The following CCDC172 variants were observed in gnomAD, a reference collection of about 807,000 sequenced individuals.
The protein encoded by CCDC172 is coiled-coil domain containing 172, also known as coiled-coil domain-containing protein 172.
CCDC172 carries 30 observed loss-of-function variants against 38.0 expected under a neutral mutation model. The observed-to-expected ratio is 0.79, with a 90% confidence interval of 0.59 to 1.07. The LOEUF is 1.07. CCDC172 is among the 50% of genes least tolerant of loss of function. The pLI is 0.00. For missense variants in CCDC172, 297 were observed against 290.1 expected, an observed-to-expected ratio of 1.02 and a Z score of -0.17; for synonymous variants, 78 against 88.3, an observed-to-expected ratio of 0.88 and a Z score of 0.66.
At chr10:116,359,875 T>C (rs10885917) in intron 7 of CCDC172, among the ~76,000 whole-genome samples, 10,186 of 152,238 alleles carry the variant, frequency 0.067, 534 homozygotes, top group East Asian at 0.24. Flanking sequence ...AAGCTTAATA[T>C]GCCATGTTCA....
At chr10:116,325,124 T>C (rs1368210739) in intron 2 of CCDC172, 34 bp downstream of exon 2, 22 of 1,603,316 alleles carry the variant, frequency 1.4e-5, no homozygotes, top group Non-Finnish European at 1.9e-5. Flanking sequence ...ATGGGGCCTT[T>C]TGTCTTCTGA....
chr10:116,373,143 C>T (rs1211287891), intron 7 of CCDC172, among the ~76,000 whole-genome samples: 2 of 152,038 alleles, frequency 1.3e-5, no homozygotes, highest in Non-Finnish European at 2.9e-5. Flanking sequence ...CCTATAATCC[C>T]AGTACTTTGA....
At chr10:116,328,165 G>T (rs559957338) in intron 3 of CCDC172, among the ~76,000 whole-genome samples, 2 of 152,044 alleles carry the variant, frequency 1.3e-5, no homozygotes, top group South Asian at 4.1e-4. Flanking sequence ...CATGTAATTA[G>T]AACTTGAATG....
chr10:116,334,012 G>A (rs1844699206), intron 3 of CCDC172, among the ~76,000 whole-genome samples: 1 of 152,130 alleles, frequency 6.6e-6, no homozygotes, highest in Admixed American at 6.6e-5. Flanking sequence ...AAGTTAAAAG[G>A]CTGTATACCT....
At chr10:116,346,368 A>T (rs10787651) in intron 5 of CCDC172, among the ~76,000 whole-genome samples, 50,551 of 151,620 alleles carry the variant, frequency 0.33, 9,810 homozygotes, top group Non-Finnish European at 0.45. Context: ...CTTGGCAATA[A>T]AAATGACTAA....
chr10:116,374,892 TAA>T (rs11354143), intron 7 of CCDC172, among the ~76,000 whole-genome samples: 30 of 144,094 alleles, frequency 2.1e-4, no homozygotes, highest in East Asian at 4.0e-4. Context: ...GTAGATACGT[TAA>T]AAAAAAAAAA....
intron 3 of CCDC172, among the ~76,000 whole-genome samples, chr10:116,334,731 C>T (rs946231032): frequency 1.1e-4 from 17 of 151,878 alleles, no homozygotes; most frequent in African/African-American, 4.1e-4. Flanking sequence ...TAGGGTAAAG[C>T]CTTATAAATC....
chr10:116,342,328 T>TGTTATTTCA, intron 5 of CCDC172, 127 bp downstream of exon 5: 1 of 685,672 alleles, frequency 1.5e-6, no homozygotes. Flanking sequence ...TCTTTTACTT[T>TGTTATTTCA]TATTGATTTA....
In CCDC172 at chr10:116,361,175, C is replaced by T. The variant is rs1333246390; in HGVS notation, c.653+3237C>T. ...AATTTTTGTATTTTTAGTAGAGACA[C>T]GGTTTCACCACGTTGGCCAGACTGA... On this transcript the variant is annotated intron_variant, in intron 7 of 8. Coordinates refer to ENST00000333254, the MANE Select transcript of CCDC172 (RefSeq NM_198515.3). Among the ~76,000 whole-genome samples the T allele has an allele frequency of 4.6e-5, 7 of 151,694 alleles. 1 individual carries two copies. In the South Asian group the frequency reaches 6.3e-4, roughly 14 times the overall value.
At chr10:116,348,970 C>T (rs563863892) in intron 5 of CCDC172, among the ~76,000 whole-genome samples, 5 of 152,226 alleles carry the variant, frequency 3.3e-5, no homozygotes, top group Admixed American at 2.6e-4. Context: ...GTGAGCAAAG[C>T]TTCATCTGTA....
At chr10:116,345,787 A>T (rs2532682) in intron 5 of CCDC172, among the ~76,000 whole-genome samples, 234 of 152,308 alleles carry the variant, frequency 1.5e-3, no homozygotes, top group African/African-American at 5.5e-3. Context: ...AGTTAAAAAG[A>T]CTGACCATAC....
At chr10:116,364,844 T>C (rs1845104450) in intron 7 of CCDC172, among the ~76,000 whole-genome samples, 1 of 152,222 alleles carries the variant, frequency 6.6e-6, no homozygotes. Context: ...TAGTAGTGTG[T>C]ACAATTCTGT....
At chr10:116,354,190 T>A (rs1844965733) in intron 5 of CCDC172, among the ~76,000 whole-genome samples, 1 of 152,194 alleles carries the variant, frequency 6.6e-6, no homozygotes, top group African/African-American at 2.4e-5. Context: ...TAAACAAACC[T>A]ATTGTGCTGC....
Position 116,357,289 on chromosome 10 carries a change from T to C in CCDC172, c.449-91T>C, listed in dbSNP as rs559368865. The C allele has an allele frequency of 4.1e-6, 3 of 728,032 alleles. No homozygotes were observed. In the East Asian group the frequency reaches 9.3e-5, roughly 23 times the overall value. 45.1% of individuals were successfully genotyped at this position (728,032 alleles called of 1,614,324 possible). Reference sequence around the variant, plus strand: ...TTGTCTTCACTTTCTTTCATCTGTGTTTTATAGTTTTTAGTGTACAGGTCT... The same window carrying C: ...TTGTCTTCACTTTCTTTCATCTGTGCTTTATAGTTTTTAGTGTACAGGTCT... On this transcript the variant is annotated intron_variant, in intron 5 of 8. Coordinates refer to ENST00000333254, the MANE Select transcript of CCDC172 (RefSeq NM_198515.3).
rs1170382200 is a variant in CCDC172 at position 116,368,698 on chromosome 10, T to G, written c.654-9725T>G. On this transcript the variant is annotated intron_variant, in intron 7 of 8. Coordinates refer to ENST00000333254, the MANE Select transcript of CCDC172 (RefSeq NM_198515.3). The stretch of plus-strand genomic sequence containing the variant: ...TCAAGAAGCCCTATTATCTTTGAGT[T>G]GGGAATAGTATTTAGAAATTCAGAC... Among the ~76,000 whole-genome samples the G allele has an allele frequency of 2.0e-5, 3 of 151,960 alleles. 1 individual carries two copies. The East Asian group carries it at 5.8e-4, about 29-fold the overall frequency.
intron 5 of CCDC172, among the ~76,000 whole-genome samples, chr10:116,344,188 T>G (rs1472784644): frequency 1.3e-5 from 2 of 152,214 alleles, no homozygotes; most frequent in Non-Finnish European, 2.9e-5. Context: ...AATGATACAC[T>G]TGAATCCATT....
intron 8 of CCDC172, 104 bp downstream of exon 8, chr10:116,378,614 C>A: frequency 1.2e-6 from 1 of 802,040 alleles, no homozygotes; most frequent in Non-Finnish European, 2.0e-6. Flanking sequence ...TTTAATCCCT[C>A]TGCAAAAAAC....
chr10:116,336,510 G>C (rs2134913863), intron 3 of CCDC172, among the ~76,000 whole-genome samples: 1 of 151,822 alleles, frequency 6.6e-6, no homozygotes, highest in African/African-American at 2.4e-5. Flanking sequence ...CTGTGATTTG[G>C]AAAAGTATAA....
intron 7 of CCDC172, among the ~76,000 whole-genome samples, chr10:116,360,220 G>A (rs1201943340): frequency 6.6e-6 from 1 of 152,082 alleles, no homozygotes. Context: ...TGACTGATCT[G>A]GTTTTTTCAT....
Sources: gnomAD v4.1 joint callset for allele counts (sites outside exome capture counted in the v4.1 genomes callset) on GRCh38, gnomAD v4.1.1 for gene constraint, MANE v1.5 for transcripts, NCBI Gene and HGNC (gene_info 2026-07-23, HGNC 2026-07-21) for gene names.